The following PDE10A variants were observed in gnomAD, a reference collection of about 807,000 sequenced individuals.
The protein encoded by PDE10A is cAMP and cAMP-inhibited cGMP 3',5'-cyclic phosphodiesterase 10A.
PDE10A carries 39 observed loss-of-function variants against 97.7 expected under a neutral mutation model. The observed-to-expected ratio is 0.40, with a 90% confidence interval of 0.31 to 0.52. The LOEUF is 0.52. Ranked by LOEUF, PDE10A falls within the 20% of genes least tolerant of loss-of-function variation. The pLI is 0.56. For missense variants in PDE10A, 731 were observed against 1,047.8 expected (o/e 0.70, Z 4.17); for synonymous variants, 371 against 376.8 (o/e 0.98, Z 0.18).
chr6:165,930,096 A>G (rs9459539), intron 1 of PDE10A, among the ~76,000 whole-genome samples: 9 of 56,062 alleles, frequency 1.6e-4, no homozygotes, highest in South Asian at 4.7e-4. Flanking sequence ...ATCACTCCAG[A>G]AATGAGGGTG....
intron 1 of PDE10A, among the ~76,000 whole-genome samples, chr6:165,850,607 C>T (rs1022069017): frequency 1.2e-4 from 19 of 152,038 alleles, no homozygotes; most frequent in Non-Finnish European, 2.9e-5. Flanking sequence ...GATCGAGGAG[C>T]GACACTGGCA....
At chr6:165,850,809 G>GT (rs914839394) in intron 1 of PDE10A, among the ~76,000 whole-genome samples, 4 of 152,112 alleles carry the variant, frequency 2.6e-5, no homozygotes, top group African/African-American at 7.2e-5. Context: ...TAATTAAAAT[G>GT]TTTTTTAAAG....
At chr6:165,876,524 T>G (rs1013221361) in intron 1 of PDE10A, among the ~76,000 whole-genome samples, 1 of 152,172 alleles carries the variant, frequency 6.6e-6, no homozygotes, top group Non-Finnish European at 1.5e-5. Flanking sequence ...ACTATTCCCA[T>G]GTAAAAACTG....
rs181730150 is a variant in PDE10A at position 165,882,594 on chromosome 6, T to C, written c.-615+104935A>G. On this transcript the variant is annotated intron_variant, in intron 1 of 19. Coordinates refer to the PDE10A transcript ENST00000366882. ...ATGAGTTGTAGACTCAACGGTGTTT[T>C]GCTGAAAACTGACGGCAACCTTCAA... Among the ~76,000 whole-genome samples the C allele has an allele frequency of 2.9e-3, 445 of 152,302 alleles. 1 individual carries two copies. Among genetic ancestry groups the C allele is most frequent in the Non-Finnish European group, 4.9e-3 (336 of 68,024 alleles).
At chr6:165,527,636 T>C (rs1396146029) in intron 2 of PDE10A, among the ~76,000 whole-genome samples, 1 of 152,156 alleles carries the variant, frequency 6.6e-6, no homozygotes, top group Non-Finnish European at 1.5e-5. Flanking sequence ...ATGAACTGGG[T>C]GTTTTCTGAC....
At position 165,533,710 on chromosome 6, in the gene PDE10A, T is replaced by G. The variant is rs140552386; in HGVS notation, c.994+9730A>C. 7.3e-3 allele frequency among the ~76,000 whole-genome samples: 1,112 copies of G among 152,268 alleles called. 30 individuals are homozygous for G. In the South Asian group the frequency reaches 0.099, roughly 14 times the overall value. ...TCAACCTTAGGTCAAATAATTTAGA[T>G]GACTGTTAAATCTTCAGGAAGCTTT... On this transcript the variant is annotated intron_variant, in intron 2 of 21. Transcript: ENST00000539869.
upstream of PDE10A, among the ~76,000 whole-genome samples, chr6:165,666,654 C>G (rs1226928350): frequency 6.6e-6 from 1 of 152,074 alleles, no homozygotes; most frequent in Non-Finnish European, 1.5e-5. Flanking sequence ...CCCGGCCCCC[C>G]ACCCCCGCAG....
At chr6:165,941,952 C>A (rs923308123) in intron 1 of PDE10A, among the ~76,000 whole-genome samples, 1 of 152,138 alleles carries the variant, frequency 6.6e-6, no homozygotes, top group African/African-American at 2.4e-5. Flanking sequence ...CTTCCCTGGG[C>A]ACTTCAGGGG....
intron 1 of PDE10A, among the ~76,000 whole-genome samples, chr6:165,878,765 C>T (rs1325564104): frequency 6.6e-6 from 1 of 152,132 alleles, no homozygotes; most frequent in Non-Finnish European, 1.5e-5. Flanking sequence ...AGGGTCACAT[C>T]GGTCAAGGCA....
chr6:165,536,126 C>A lies in PDE10A; in HGVS notation c.994+7314G>T, dbSNP rs183078668. On this transcript the variant is annotated intron_variant, in intron 2 of 21. Transcript: ENST00000539869. ...ACTAGCATATAAACAGACATATAGA[C>A]CAAGAGAACAGAACACAGATGGCAG... Among the ~76,000 whole-genome samples the A allele has an allele frequency of 7.2e-5, 11 of 152,014 alleles. No homozygotes were observed. The East Asian group carries it at 2.1e-3, about 29-fold the overall frequency.
In PDE10A at chr6:165,673,976, T is replaced by C. The variant is rs1562676979; in HGVS notation, c.-614-130408A>G. On this transcript the variant is annotated intron_variant, in intron 1 of 19. Coordinates refer to the PDE10A transcript ENST00000366882. ...ATAATGTGACTTGAAAGATCTCTAATTTAAAATTTTTTAAAGTGTTTCCGT... is the reference window on the plus strand; with the variant it reads ...ATAATGTGACTTGAAAGATCTCTAACTTAAAATTTTTTAAAGTGTTTCCGT... 8.0e-5 allele frequency among the ~76,000 whole-genome samples: 2 copies of C among 25,130 alleles called. 1 individual carries two copies. Among genetic ancestry groups the C allele is most frequent in the South Asian group, 4.4e-3 (2 of 456 alleles). 16.5% of individuals were successfully genotyped at this position (25,130 alleles called of 152,430 possible). A position where few individuals can be genotyped will look rare whatever the true frequency, so the allele number is the denominator to read the frequency against.
intron 2 of PDE10A, among the ~76,000 whole-genome samples, chr6:165,521,371 C>T (rs1228578247): frequency 2.0e-5 from 3 of 152,136 alleles, no homozygotes; most frequent in Admixed American, 1.3e-4. Context: ...GGAAGAGTCA[C>T]ATACCTCTAA....
chr6:165,499,236 A>T (rs1780727561), intron 2 of PDE10A, among the ~76,000 whole-genome samples: 2 of 152,198 alleles, frequency 1.3e-5, no homozygotes, highest in African/African-American at 4.8e-5. Context: ...GCAGCAGAGG[A>T]GGAGGTTGTT....
intron 15 of PDE10A, among the ~76,000 whole-genome samples, chr6:165,394,066 A>G (rs1408328168): frequency 1.1e-5 from 1 of 89,348 alleles, no homozygotes; most frequent in African/African-American, 5.8e-5. Context: ...AACATTTATT[A>G]TTATTATTAT....
At chr6:165,859,072 T>G (rs1212171740) in intron 1 of PDE10A, among the ~76,000 whole-genome samples, 1 of 152,228 alleles carries the variant, frequency 6.6e-6, no homozygotes, top group Non-Finnish European at 1.5e-5. Flanking sequence ...AATATAAGAT[T>G]AGGTTCCTGG....
Position 165,388,420 on chromosome 6 carries a change from C to A in PDE10A, c.2488G>T (p.Asp830Tyr). 6.2e-7 allele frequency: 1 copy of A among 1,614,076 alleles called. No homozygotes were observed. The highest frequency in any genetic ancestry group is 1.1e-5 in the South Asian group (1 of 91,076). Residue 830 changes from aspartate (D) to tyrosine (Y), a missense_variant, in exon 17 of 22, where the codon GAC becomes TAC. Asp to Tyr is a radical substitution (Grantham distance 160). Around this residue, in one of 8 missense-constraint regions of PDE10A, gnomAD observed 131 missense variants for 187.4 expected, o/e 0.70. Coordinates refer to ENST00000539869, the MANE Select transcript of PDE10A (RefSeq NM_001385079.1). The surrounding 1 kb of genome is among the most constrained non-coding windows in gnomAD (Gnocchi z 4.0). ...TTACTGAAGCCCCTGTGGTCCAGGT[C>A]ATGACACAGACACGCAATCAGCAGT... is the stretch of plus-strand genomic sequence containing the variant. ...KGLLIACLCHDLDHRGFSNSY... is the reference protein window; with the variant it reads ...KGLLIACLCHYLDHRGFSNSY...
At chr6:165,959,690 C>T (rs1784299947) in intron 1 of PDE10A, among the ~76,000 whole-genome samples, 1 of 152,112 alleles carries the variant, frequency 6.6e-6, no homozygotes, top group African/African-American at 2.4e-5. Flanking sequence ...GAGCCTGACC[C>T]CCAGGGGAGG....
intron 17 of PDE10A, among the ~76,000 whole-genome samples, chr6:165,386,123 C>A (rs901546414): frequency 1.6e-4 from 25 of 152,082 alleles, no homozygotes; most frequent in Non-Finnish European, 2.6e-4. Context: ...TTTAGGAACA[C>A]CGCCTTAAGT....
chr6:165,580,151 T>G (rs1785533576), intron 1 of PDE10A, among the ~76,000 whole-genome samples: 1 of 152,228 alleles, frequency 6.6e-6, no homozygotes, highest in Non-Finnish European at 1.5e-5. Context: ...GAACAGTGCC[T>G]GCTCAATAGC....
Sources: allele counts gnomAD v4.1 joint callset (sites outside exome capture counted in the v4.1 genomes callset), GRCh38; gene constraint gnomAD v4.1.1; regional missense constraint gnomAD v4.1.1; non-coding constraint Gnocchi (gnomAD v3.1); transcripts MANE v1.5; gene names NCBI Gene and HGNC (gene_info 2026-07-23, HGNC 2026-07-21).